Variants in SESTD1 observed in about 807,000 individuals in gnomAD.
SESTD1 encodes SEC14 domain and spectrin repeat-containing protein 1.
SESTD1 carries 43 observed loss-of-function variants against 101.7 expected under a neutral mutation model. The observed-to-expected ratio is 0.42, with a 90% CI of 0.33 to 0.55. SESTD1 has a LOEUF of 0.55. Ranked by LOEUF, SESTD1 falls within the 20% of genes least tolerant of loss-of-function variation. The probability of loss-of-function intolerance (pLI) is 0.07; values close to 1 mark genes in which losing one functional copy is unlikely to be tolerated. For missense variants in SESTD1, 647 were observed against 815.1 expected (o/e 0.79, Z 2.51); for synonymous variants, 283 against 286.8 (o/e 0.99, Z 0.13).
Position 179,143,685 on chromosome 2 carries a change from A to C in SESTD1, c.756T>G (p.Asp252Glu). 6.2e-7 allele frequency: 1 copy of C among 1,614,014 alleles called. No individual in the cohort carries two copies. The highest frequency in any genetic ancestry group is 2.2e-5 in the East Asian group (1 of 44,876). Residue 252 changes from aspartate to glutamate, a missense_variant, in exon 9 of 18, where the codon GAT (aspartate) becomes GAG (glutamate). By Grantham distance (45) the Asp-to-Glu change is conservative. This residue lies in a region of SESTD1 where 476 missense variants were observed against 562.6 expected (regional missense o/e 0.85). Transcript: ENST00000428443. The part of the protein sequence containing the change: ...LAQPQVMKLL[D>E]SLREQYTRYQ... ...AGCGGGTATATTGCTCTCGGAGTGA[A>C]TCTAATAATTTCATAACCTGTGGCT...
chr2:179,154,747 C>T (rs1048092902), intron 5 of SESTD1, among the ~76,000 whole-genome samples: 5 of 151,898 alleles, frequency 3.3e-5, no homozygotes, highest in South Asian at 2.1e-4. Context: ...AAAATGTATA[C>T]GAGAAAGAGA....
chr2:179,180,409 T>G (rs1258793005), intron 3 of SESTD1, among the ~76,000 whole-genome samples: 1 of 152,140 alleles, frequency 6.6e-6, no homozygotes, highest in Non-Finnish European at 1.5e-5. Flanking sequence ...TGTTGGCAGA[T>G]GTTCACAGCT....
At position 179,172,323 on chromosome 2, in the gene SESTD1, T is replaced by C. The variant is rs1471573111; in HGVS notation, c.256-90A>G. On this transcript the variant is annotated intron_variant, in intron 4 of 17. Transcript: ENST00000428443. ...AATTACCAGACAGTCAAGATTATGC[T>C]ACATAAGAGATTTTTGGAGAAGAAT... 5.4e-6 allele frequency: 4 copies of C among 746,306 alleles called. No individual in the cohort carries two copies. In the East Asian group the frequency reaches 1.2e-4, roughly 22 times the overall value. The allele number at this position is 746,306 out of a possible 1,614,324, so 46.2% of individuals were successfully genotyped here.
chr2:179,235,203 T>A (rs776991942), intron 1 of SESTD1, among the ~76,000 whole-genome samples: 13 of 152,146 alleles, frequency 8.5e-5, no homozygotes, highest in African/African-American at 1.2e-4. Context: ...ATATATTTTT[T>A]AAAAATCCTT....
intron 10 of SESTD1, among the ~76,000 whole-genome samples, chr2:179,129,396 GT>G (rs1270667040): frequency 6.6e-6 from 1 of 151,698 alleles, no homozygotes; most frequent in Non-Finnish European, 1.5e-5. Context: ...TTTTTGTTGT[GT>G]TCTATTAAAA....
At chr2:179,120,690 G>GT (rs1454245314) in intron 13 of SESTD1, among the ~76,000 whole-genome samples, 2 of 151,394 alleles carry the variant, frequency 1.3e-5, no homozygotes, top group South Asian at 2.1e-4. Flanking sequence ...GGTAATGCTG[G>GT]TAAGAGCAAC....
chr2:179,168,695 C>T (rs548017129), intron 5 of SESTD1, among the ~76,000 whole-genome samples: 6 of 152,014 alleles, frequency 3.9e-5, no homozygotes, highest in Admixed American at 1.3e-4. Context: ...GATGAATCTC[C>T]AAAAAGAAAC....
intron 1 of SESTD1, among the ~76,000 whole-genome samples, chr2:179,227,946 G>A (rs1206759884): frequency 6.6e-6 from 1 of 152,068 alleles, no homozygotes; most frequent in Non-Finnish European, 1.5e-5. Context: ...TTTGGTATGG[G>A]GTGATATGCC....
intron 1 of SESTD1, among the ~76,000 whole-genome samples, chr2:179,220,667 A>G (rs2046802156): frequency 6.6e-6 from 1 of 152,188 alleles, no homozygotes; most frequent in African/African-American, 2.4e-5. Context: ...TTCCATCACC[A>G]GAAGAGGAAA....
Position 179,209,908 on chromosome 2 carries a change from G to GA in SESTD1, c.-25-18043dup, listed in dbSNP as rs1356527125. ...GAAACAACAACAAAAAAAGATAAAT[G>GA]AAAAAAAAGCTGGTTCTTTGAAGAG... is the stretch of plus-strand genomic sequence containing the variant. On this transcript the variant is annotated intron_variant, in intron 1 of 17. Coordinates refer to ENST00000428443, the MANE Select transcript of SESTD1 (RefSeq NM_178123.5). Among the ~76,000 whole-genome samples, 5 of 132,212 alleles carry GA rather than the reference G, an allele frequency of 3.8e-5. 1 individual carries two copies. The highest frequency in any genetic ancestry group is 1.5e-4 in the Admixed American group (2 of 13,638). 86.7% of individuals were successfully genotyped at this position (132,212 alleles called of 152,430 possible).
At position 179,200,971 on chromosome 2, in the gene SESTD1, C is replaced by T. The variant is rs1221771417; in HGVS notation, c.-25-9105G>A. 1.5e-5 allele frequency among the ~76,000 whole-genome samples: 2 copies of T among 134,228 alleles called. 1 individual carries two copies. Among genetic ancestry groups the T allele is most frequent in the Non-Finnish European group, 3.2e-5 (2 of 62,706 alleles). 88.1% of individuals were successfully genotyped at this position (134,228 alleles called of 152,430 possible). A position where few individuals can be genotyped will look rare whatever the true frequency, so the allele number is the denominator to read the frequency against. ...TCTGCACAGCAAAAGAAACTACCAT[C>T]AGAGTGAACAGGCAACCTACAGAAT... On this transcript the variant is annotated intron_variant, in intron 1 of 17. Transcript: ENST00000428443.
chr2:179,255,673 T>C (rs544423249), intron 1 of SESTD1, among the ~76,000 whole-genome samples: 3 of 152,328 alleles, frequency 2.0e-5, no homozygotes, highest in Non-Finnish European at 2.9e-5. Flanking sequence ...CAGTATGTTA[T>C]CAAAAAAATC....
At chr2:179,233,905 T>C (rs1434597064) in intron 1 of SESTD1, among the ~76,000 whole-genome samples, 1 of 152,162 alleles carries the variant, frequency 6.6e-6, no homozygotes, top group Non-Finnish European at 1.5e-5. Context: ...CTCTGTACAC[T>C]TGGGGGGCTC....
rs2044465681 is a variant in SESTD1, at chr2:179,109,766, G to A, written c.*133C>T. ...TAGTAGCAAGGTGTTAACATGTAAAGAGAAATGTGTCATGAAAAGAAATGA... is the reference window on the plus strand; with the variant it reads ...TAGTAGCAAGGTGTTAACATGTAAAAAGAAATGTGTCATGAAAAGAAATGA... On this transcript the variant is annotated 3_prime_UTR_variant, in exon 18 of 18. Coordinates refer to ENST00000428443, the MANE Select transcript of SESTD1 (RefSeq NM_178123.5). 2 of 1,175,256 alleles carry A rather than the reference G, an allele frequency of 1.7e-6. No individual in the cohort carries two copies. Among genetic ancestry groups the A allele is most frequent in the Non-Finnish European group, 2.4e-6 (2 of 838,760 alleles). The allele number at this position is 1,175,256 out of a possible 1,614,324, so 72.8% of individuals were successfully genotyped here.
At chr2:179,240,168 C>T (rs1231885387) in intron 1 of SESTD1, among the ~76,000 whole-genome samples, 2 of 152,090 alleles carry the variant, frequency 1.3e-5, no homozygotes, top group Non-Finnish European at 2.9e-5. Flanking sequence ...AATGGTGTAA[C>T]AGAGACACAC....
intron 1 of SESTD1, among the ~76,000 whole-genome samples, chr2:179,204,646 C>T (rs2046567258): frequency 7.4e-6 from 1 of 135,186 alleles, no homozygotes; most frequent in African/African-American, 2.9e-5. Flanking sequence ...ATTAATTTTG[C>T]CTCAGCTTCT....
intron 5 of SESTD1, among the ~76,000 whole-genome samples, chr2:179,154,849 A>G (rs540027769): frequency 6.6e-6 from 1 of 152,332 alleles, no homozygotes; most frequent in Non-Finnish European, 1.5e-5. Context: ...GCAAGTATGA[A>G]ATATTTTAAA....
At chr2:179,157,751 AATTT>A (rs1000324970) in intron 5 of SESTD1, among the ~76,000 whole-genome samples, 2 of 152,156 alleles carry the variant, frequency 1.3e-5, no homozygotes, top group African/African-American at 4.8e-5. Context: ...AGTGGAGCTA[AATTT>A]ATTTATTAGA....
At chr2:179,128,642 T>C (rs2044934404) in intron 10 of SESTD1, among the ~76,000 whole-genome samples, 1 of 150,334 alleles carries the variant, frequency 6.7e-6, no homozygotes, top group South Asian at 2.1e-4. Context: ...GGCAGGAGAA[T>C]CGCTTGAACC....
Sources: allele counts gnomAD v4.1 joint callset (sites outside exome capture counted in the v4.1 genomes callset), GRCh38; gene constraint gnomAD v4.1.1; regional missense constraint gnomAD v4.1.1; transcripts MANE v1.5; gene names NCBI Gene and HGNC (gene_info 2026-07-23, HGNC 2026-07-21).